Variants in ROBO2 observed in about 807,000 individuals in gnomAD.
ROBO2 encodes roundabout guidance receptor 2.
In ROBO2, 53 loss-of-function variants were observed where a neutral mutation model predicts 160.8. That is an observed-to-expected ratio of 0.33 (90% CI 0.26 to 0.41). ROBO2 has a LOEUF of 0.41. Among genes scored for constraint, ROBO2 ranks in the 10% least tolerant of loss-of-function variants. ROBO2 has a pLI of 1.00. For missense variants in ROBO2, 1,577 were observed against 1,722.4 expected (o/e 0.92, Z 1.49); for synonymous variants, 664 against 611.7 (o/e 1.09, Z -1.26).
At chr3:76,127,614 A>G (rs1380352361) in intron 2 of ROBO2, among the ~76,000 whole-genome samples, 1 of 151,796 alleles carries the variant, frequency 6.6e-6, no homozygotes, top group Non-Finnish European at 1.5e-5. Context: ...ATATATATAT[A>G]CATATACTAT....
intron 2 of ROBO2, among the ~76,000 whole-genome samples, chr3:77,167,427 C>T (rs2079197368): frequency 6.6e-6 from 1 of 151,990 alleles, no homozygotes; most frequent in South Asian, 2.1e-4. Context: ...TTTTGAAGAC[C>T]TAGGTGGCCT....
chr3:77,374,883 T>A (rs1167528972), intron 2 of ROBO2, among the ~76,000 whole-genome samples: 1 of 152,240 alleles, frequency 6.6e-6, no homozygotes, highest in Non-Finnish European at 1.5e-5. Context: ...AAAATATTTC[T>A]TTGAGACAGA....
intron 2 of ROBO2, among the ~76,000 whole-genome samples, chr3:76,405,519 G>A (rs1427736977): frequency 6.6e-6 from 1 of 151,714 alleles, no homozygotes; most frequent in Non-Finnish European, 1.5e-5. Flanking sequence ...AAGTAAATCT[G>A]GTCATCAGTC....
intron 2 of ROBO2, among the ~76,000 whole-genome samples, chr3:76,010,374 C>T (rs886886066): frequency 6.6e-6 from 1 of 152,204 alleles, no homozygotes. Context: ...ATGAACAATC[C>T]TCGGTCCACT....
At chr3:77,138,698 G>A (rs1328115006) in intron 2 of ROBO2, among the ~76,000 whole-genome samples, 4 of 152,036 alleles carry the variant, frequency 2.6e-5, no homozygotes, top group Non-Finnish European at 4.4e-5. Flanking sequence ...GTTCTAAGTC[G>A]ATCCTACAAC....
intron 2 of ROBO2, among the ~76,000 whole-genome samples, chr3:77,358,835 T>C (rs1321599855): frequency 6.6e-6 from 1 of 152,178 alleles, no homozygotes; most frequent in Non-Finnish European, 1.5e-5. Flanking sequence ...GAAGAGCATA[T>C]AGTATTCAAG....
intron 2 of ROBO2, among the ~76,000 whole-genome samples, chr3:76,449,492 A>C (rs2077365267): frequency 6.6e-6 from 1 of 152,060 alleles, no homozygotes; most frequent in Admixed American, 6.6e-5. Flanking sequence ...TAGGTCTCTA[A>C]ATTTACATAT....
chr3:76,872,178 A>G (rs953920881), intron 2 of ROBO2, among the ~76,000 whole-genome samples: 2 of 152,200 alleles, frequency 1.3e-5, no homozygotes, highest in African/African-American at 2.4e-5. Context: ...ACTCTGCCCA[A>G]TGAAAGTATT....
chr3:76,108,144 C>T (rs1221428469), intron 2 of ROBO2, among the ~76,000 whole-genome samples: 1 of 152,078 alleles, frequency 6.6e-6, no homozygotes, highest in Non-Finnish European at 1.5e-5. Context: ...TAACAGCCTA[C>T]TGCCATCTAC....
chr3:77,506,875 G>A (rs772571280), intron 5 of ROBO2, among the ~76,000 whole-genome samples: 4 of 152,026 alleles, frequency 2.6e-5, no homozygotes, highest in Non-Finnish European at 5.9e-5. Context: ...AGATATGATG[G>A]TTATACAAAA....
chr3:75,946,907 C>G (rs76147965), intron 2 of ROBO2, among the ~76,000 whole-genome samples: 2 of 151,956 alleles, frequency 1.3e-5, no homozygotes, highest in Non-Finnish European at 2.9e-5. Context: ...AGGGTGTACT[C>G]TTGTGGAAGG....
chr3:76,308,238 G>A (rs751698715), intron 2 of ROBO2, among the ~76,000 whole-genome samples: 12 of 151,768 alleles, frequency 7.9e-5, no homozygotes, highest in South Asian at 4.2e-4. Context: ...TTAGCTGGGC[G>A]TGGTGGTGGG....
intron 2 of ROBO2, among the ~76,000 whole-genome samples, chr3:76,736,774 G>A (rs1346364537): frequency 1.3e-5 from 2 of 152,104 alleles, no homozygotes; most frequent in African/African-American, 2.4e-5. Context: ...GACATAATTC[G>A]TGTACTGAAT....
At chr3:77,338,482 A>T (rs570075266) in intron 2 of ROBO2, among the ~76,000 whole-genome samples, 53 of 152,296 alleles carry the variant, frequency 3.5e-4, no homozygotes, top group African/African-American at 1.3e-3. Flanking sequence ...CTTAAAGATA[A>T]AACGCAGAAA....
chr3:75,973,408 T>C (rs1170633949), intron 2 of ROBO2, among the ~76,000 whole-genome samples: 2 of 151,586 alleles, frequency 1.3e-5, no homozygotes, highest in African/African-American at 4.8e-5. Flanking sequence ...ACTGACACAA[T>C]AATATGGTTA....
At chr3:76,255,034 G>A (rs1336181207) in intron 2 of ROBO2, among the ~76,000 whole-genome samples, 2 of 152,184 alleles carry the variant, frequency 1.3e-5, no homozygotes, top group East Asian at 3.9e-4. Context: ...CTGACACTCA[G>A]ATGTAGGCTG....
intron 2 of ROBO2, among the ~76,000 whole-genome samples, chr3:77,315,690 C>T (rs2063918971): frequency 6.6e-6 from 1 of 152,104 alleles, no homozygotes; most frequent in Non-Finnish European, 1.5e-5. Context: ...TCTTGGCCTT[C>T]CCTACGTAAT....
rs1433779895 is a variant in ROBO2, at chr3:76,974,847, A to G, written c.110-123167A>G. Among the ~76,000 whole-genome samples the G allele has an allele frequency of 2.6e-5, 4 of 152,296 alleles. No individual in the cohort carries two copies. The South Asian group carries it at 6.2e-4, about 24-fold the overall frequency. Reference sequence around the variant, plus strand: ...GGTTTATTTCAGTTGGCTAAATCATACCATTCAAAAAAGCAAAAGTAGTAA... The same window carrying G: ...GGTTTATTTCAGTTGGCTAAATCATGCCATTCAAAAAAGCAAAAGTAGTAA... On this transcript the variant is annotated intron_variant, in intron 2 of 26. Transcript: ENST00000487694.
intron 2 of ROBO2, among the ~76,000 whole-genome samples, chr3:76,467,100 T>C (rs1397564465): frequency 6.6e-6 from 1 of 152,098 alleles, no homozygotes; most frequent in Non-Finnish European, 1.5e-5. Context: ...TATATGTTCA[T>C]GTTTAGTGAT....
Sources: allele counts gnomAD v4.1 joint callset (sites outside exome capture counted in the v4.1 genomes callset), GRCh38; gene constraint gnomAD v4.1.1; transcripts MANE v1.5; gene names NCBI Gene and HGNC (gene_info 2026-07-23, HGNC 2026-07-21).